CFAP54: variants seen among roughly 807,000 people sequenced by gnomAD.
CFAP54 encodes the protein cilia- and flagella-associated protein 54.
A neutral mutation model predicts 370.4 loss-of-function variants in CFAP54; 290 were observed. The observed-to-expected ratio is 0.78, with a 90% CI of 0.71 to 0.86. The LOEUF is 0.86. Ranked by LOEUF, CFAP54 falls within the 40% of genes least tolerant of loss-of-function variation. CFAP54 has a pLI of 0.00. For synonymous variants in CFAP54, 1,206 were observed against 1,236.5 expected, an observed-to-expected ratio of 0.98 and a Z score of 0.52; for missense variants, 3,399 against 3,528.7, an observed-to-expected ratio of 0.96 and a Z score of 0.93.
intron 40 of CFAP54, among the ~76,000 whole-genome samples, 178 bp from the exon 41 acceptor site, chr12:96,684,470 C>T (rs1175220487): frequency 1.3e-5 from 2 of 152,130 alleles, no homozygotes; most frequent in South Asian, 2.1e-4. Flanking sequence ...TCAAACAGAA[C>T]GTTTGCTCGC....
At chr12:96,758,496 G>A (rs1020187995) in intron 58 of CFAP54, among the ~76,000 whole-genome samples, 7 of 152,144 alleles carry the variant, frequency 4.6e-5, no homozygotes, top group Admixed American at 1.3e-4. Flanking sequence ...CCATGATTCA[G>A]TTATCTCCCA....
At chr12:96,664,689 G>GTATATATATATATATATA (rs1274516967) in intron 39 of CFAP54, among the ~76,000 whole-genome samples, 5 of 26,290 alleles carry the variant, frequency 1.9e-4, no homozygotes, top group African/African-American at 8.2e-4. Context: ...ATTCCTTTGG[G>GTATATATATATATATATA]TATATATCTA....
At chr12:96,835,239 T>A (rs1959182372) in intron 66 of CFAP54, among the ~76,000 whole-genome samples, 1 of 151,942 alleles carries the variant, frequency 6.6e-6, no homozygotes. Flanking sequence ...CTCTCTGCTG[T>A]TGGTAATCCT....
chr12:96,571,115 T>C (rs987674939), intron 19 of CFAP54, among the ~76,000 whole-genome samples: 9 of 152,276 alleles, frequency 5.9e-5, no homozygotes, highest in African/African-American at 2.2e-4. Context: ...TATGTCTTAG[T>C]CACACCCTCA....
At chr12:96,725,133 G>A (rs535653425) in intron 50 of CFAP54, among the ~76,000 whole-genome samples, 2 of 152,200 alleles carry the variant, frequency 1.3e-5, no homozygotes, top group East Asian at 3.9e-4. Flanking sequence ...TTGTTCTTTT[G>A]ACTTAGGATT....
intron 25 of CFAP54, 147 bp downstream of exon 25, chr12:96,594,593 CA>C (rs1956158080): frequency 1.9e-6 from 1 of 522,546 alleles, no homozygotes; most frequent in African/African-American, 1.9e-5. Context: ...AACTGAAAAA[CA>C]CTTTAATAAA....
intron 62 of CFAP54, among the ~76,000 whole-genome samples, chr12:96,789,597 G>A (rs1264179085): frequency 6.6e-6 from 1 of 152,162 alleles, no homozygotes; most frequent in Non-Finnish European, 1.5e-5. Context: ...GTTCTACAAG[G>A]AGCTCTGCTT....
rs766904269 is a variant in CFAP54, at chr12:96,743,782, C to G, written c.7429C>G (p.Leu2477Val). The G allele has an allele frequency of 1.9e-6, 3 of 1,613,736 alleles. No homozygotes were observed. The highest frequency in any genetic ancestry group is 4.5e-5 in the East Asian group (2 of 44,866). ...GNEFISPQSR[L>V]TLARSLVLLD... is the part of the protein sequence containing the mutation. Reference sequence around the variant, plus strand: ...TGAATTTATTTCTCCTCAATCACGGCTAACCCTGGCAAGAAGCCTAGTTTT... The same window carrying G: ...TGAATTTATTTCTCCTCAATCACGGGTAACCCTGGCAAGAAGCCTAGTTTT... Residue 2477 changes from leucine to valine, a missense_variant, in exon 54 of 68, where the codon CTA becomes GTA. Physicochemically the swap from Leu to Val is conservative, Grantham distance 32. Transcript: ENST00000524981.
In CFAP54 at chr12:96,756,482, TG is replaced by T. The variant is rs764961495; in HGVS notation, c.7867del (p.Glu2623LysfsTer18). 6.2e-7 allele frequency: 1 copy of T among 1,600,380 alleles called. No homozygotes were observed. Among genetic ancestry groups the T allele is most frequent in the Non-Finnish European group, 8.5e-7 (1 of 1,174,932 alleles). On this transcript the variant is annotated frameshift_variant, in exon 57 of 68. Transcript: ENST00000524981. LOFTEE classifies it high-confidence loss of function. The stretch of plus-strand genomic sequence containing the variant: ...GGCAAAATAGAACGTCAAATACTAA[TG>T]GAAGAGAAATCTCCAAGTTTTCAAC... ...QKGKIERQIL[M>X]EEKSPSFQLE...
chr12:96,871,254 A>C (rs1053747591), intron 67 of CFAP54, among the ~76,000 whole-genome samples: 1 of 152,230 alleles, frequency 6.6e-6, no homozygotes, highest in South Asian at 2.1e-4. Context: ...TACTGGAGAG[A>C]CAAATTTTGT....
chr12:96,748,862 C>T (rs927626823), intron 55 of CFAP54, among the ~76,000 whole-genome samples: 1 of 152,144 alleles, frequency 6.6e-6, no homozygotes, highest in Non-Finnish European at 1.5e-5. Flanking sequence ...AATCAGTGAG[C>T]ACTTTCAATC....
intron 66 of CFAP54, among the ~76,000 whole-genome samples, chr12:96,835,148 C>A (rs891706519): frequency 3.9e-5 from 6 of 152,100 alleles, no homozygotes; most frequent in African/African-American, 1.4e-4. Flanking sequence ...GTGGGTTACT[C>A]CTCTTTGCAG....
At chr12:96,574,373 G>C (rs968887372) in intron 19 of CFAP54, among the ~76,000 whole-genome samples, 2 of 152,016 alleles carry the variant, frequency 1.3e-5, no homozygotes, top group Non-Finnish European at 2.9e-5. Flanking sequence ...TCTTATGTTT[G>C]TTGAATTAAC....
chr12:96,636,139 T>C (rs1956662208), intron 32 of CFAP54, among the ~76,000 whole-genome samples: 1 of 152,204 alleles, frequency 6.6e-6, no homozygotes, highest in Admixed American at 6.5e-5. Context: ...ACAGGGACTT[T>C]CTGTGAGTAA....
chr12:96,725,356 C>T (rs1052242039), intron 50 of CFAP54, among the ~76,000 whole-genome samples: 4 of 151,908 alleles, frequency 2.6e-5, no homozygotes, highest in African/African-American at 9.7e-5. Context: ...TTTCATTGAG[C>T]AGTGGTTTGT....
At chr12:96,602,659 AT>A (rs1232950884) in intron 26 of CFAP54, among the ~76,000 whole-genome samples, 1 of 152,164 alleles carries the variant, frequency 6.6e-6, no homozygotes, top group Admixed American at 6.5e-5. Flanking sequence ...GTGCATATAT[AT>A]TTAGGATAGT....
chr12:96,558,034 G>C (rs898553995), intron 17 of CFAP54, among the ~76,000 whole-genome samples: 1 of 152,058 alleles, frequency 6.6e-6, no homozygotes, highest in Non-Finnish European at 1.5e-5. Context: ...TAGGACAGTG[G>C]TTCCTTTGTG....
At chr12:96,563,923 G>A (rs1441169270) in intron 17 of CFAP54, among the ~76,000 whole-genome samples, 1 of 152,112 alleles carries the variant, frequency 6.6e-6, no homozygotes, top group Admixed American at 6.6e-5. Flanking sequence ...CCACCATGAT[G>A]GTCAGTCCCA....
chr12:96,492,358 A>AGAAACAGGTCCTACT (rs1333418163), intron 1 of CFAP54, among the ~76,000 whole-genome samples: 3 of 152,158 alleles, frequency 2.0e-5, no homozygotes, highest in African/African-American at 7.2e-5. Context: ...GACTTTCCAG[A>AGAAACAGGTCCTACT]GAAACAGGTC....
Sources: allele counts gnomAD v4.1 joint callset (sites outside exome capture counted in the v4.1 genomes callset), GRCh38; gene constraint gnomAD v4.1.1; transcripts MANE v1.5; gene names NCBI Gene and HGNC (gene_info 2026-07-23, HGNC 2026-07-21).